PRKAG2: variants seen among roughly 807,000 people sequenced by gnomAD.
PRKAG2 encodes protein kinase AMP-activated non-catalytic subunit gamma 2.
Under a neutral mutation model 69.6 loss-of-function variants are expected in PRKAG2, and 26 were observed. That is an observed-to-expected ratio of 0.37 (90% CI 0.27 to 0.52). The LOEUF is 0.52. Among genes scored for constraint, PRKAG2 ranks in the 20% least tolerant of loss-of-function variants. PRKAG2 has a pLI of 0.90. For missense variants in PRKAG2, 557 were observed against 740.0 expected, an observed-to-expected ratio of 0.75 and a Z score of 2.87; for synonymous variants, 293 against 285.0, an observed-to-expected ratio of 1.03 and a Z score of -0.28.
chr7:151,763,057 C>G (rs1017613408), intron 3 of PRKAG2, among the ~76,000 whole-genome samples: 1 of 152,208 alleles, frequency 6.6e-6, no homozygotes, highest in Admixed American at 6.5e-5. Context: ...CTCCTCCCCT[C>G]TCAGCCTGCA....
intron 3 of PRKAG2, among the ~76,000 whole-genome samples, chr7:151,697,190 G>T (rs375163372): frequency 6.6e-6 from 1 of 152,168 alleles, no homozygotes; most frequent in Non-Finnish European, 1.5e-5. Context: ...GCTGGGGAAC[G>T]GGGGGTGGTG....
intron 13 of PRKAG2, 116 bp downstream of exon 13, chr7:151,565,230 A>AC: frequency 2.3e-6 from 2 of 876,822 alleles, no homozygotes; most frequent in Non-Finnish European, 3.3e-6. Context: ...ATATCCTCAC[A>AC]CCCCAAAAGG....
rs769483702 is a variant in PRKAG2 at position 151,777,544 on chromosome 7, G to A, written c.466+3608C>T. Reference sequence around the variant, plus strand: ...TCCCCCCTCTCTCTTGCTCCCTTGCGTGTGAGCTCTGCATACCCCGGCTTT... The same window carrying A: ...TCCCCCCTCTCTCTTGCTCCCTTGCATGTGAGCTCTGCATACCCCGGCTTT... On this transcript the variant is annotated intron_variant, in intron 3 of 15. Coordinates refer to ENST00000287878, the MANE Select transcript of PRKAG2 (RefSeq NM_016203.4). The surrounding 1 kb of genome is among the most constrained non-coding windows in gnomAD (Gnocchi z 4.3). 2.0e-5 allele frequency among the ~76,000 whole-genome samples: 3 copies of A among 152,122 alleles called. No individual in the cohort carries two copies. The highest frequency in any genetic ancestry group is 2.9e-5 in the Non-Finnish European group (2 of 68,024).
rs1257544575 is a variant in PRKAG2, at chr7:151,719,479, G to C, written c.467-43842C>G. Among the ~76,000 whole-genome samples, 4 of 152,062 alleles carry C rather than the reference G, an allele frequency of 2.6e-5. No homozygotes were observed. The highest frequency in any genetic ancestry group is 5.9e-5 in the Non-Finnish European group (4 of 68,020). ...TGGGCTGCTCCCAGCCAATGCCTAAGCGCCGGGTGCTGGGTCACCCTGAGA... is the reference window on the plus strand; with the variant it reads ...TGGGCTGCTCCCAGCCAATGCCTAACCGCCGGGTGCTGGGTCACCCTGAGA... On this transcript the variant is annotated intron_variant, in intron 3 of 15. Transcript: ENST00000287878. This position sits in a 1 kb window ranked among gnomAD's most constrained non-coding sequence, Gnocchi z 5.2.
intron 4 of PRKAG2, among the ~76,000 whole-genome samples, chr7:151,649,894 C>T (rs913106755): frequency 8.5e-4 from 129 of 152,170 alleles, no homozygotes; most frequent in African/African-American, 3.0e-3. Context: ...GTATTTATAG[C>T]AATGAGAGAA....
chr7:151,666,148 AC>A (rs1831019520), intron 4 of PRKAG2, among the ~76,000 whole-genome samples: 1 of 152,212 alleles, frequency 6.6e-6, no homozygotes, highest in Admixed American at 6.5e-5. Context: ...GTGGCTTCAG[AC>A]AACAATAATT....
chr7:151,562,211 C>T (rs1247114825), intron 14 of PRKAG2, among the ~76,000 whole-genome samples: 1 of 135,622 alleles, frequency 7.4e-6, no homozygotes. Flanking sequence ...CGCCACTGCA[C>T]TCCAGCCTGG....
At chr7:151,682,585 A>G (rs1834043679) in intron 3 of PRKAG2, among the ~76,000 whole-genome samples, 2 of 152,210 alleles carry the variant, frequency 1.3e-5, no homozygotes, top group Admixed American at 6.5e-5. Context: ...CATAAGGTCA[A>G]CTGCTGAACT....
At chr7:151,669,937 C>CACACCCCCATGCACAT (rs1831684782) in intron 4 of PRKAG2, among the ~76,000 whole-genome samples, 1 of 135,528 alleles carries the variant, frequency 7.4e-6, no homozygotes, top group Non-Finnish European at 1.6e-5. Context: ...CCTGTGCACA[C>CACACCCCCATGCACAT]ACTTGCATGT....
At chr7:151,618,250 C>G (rs543086980) in intron 5 of PRKAG2, among the ~76,000 whole-genome samples, 2 of 150,962 alleles carry the variant, frequency 1.3e-5, no homozygotes, top group African/African-American at 4.9e-5. Context: ...GTCAGGAGTT[C>G]GAGATCAGCC....
rs58365534 is a variant in PRKAG2, at chr7:151,788,235, A to G, written c.115-1694T>C. On this transcript the variant is annotated intron_variant, in intron 1 of 15. Transcript: ENST00000287878. This position sits in a 1 kb window ranked among gnomAD's most constrained non-coding sequence, Gnocchi z 4.6. The stretch of plus-strand genomic sequence containing the variant: ...CCCACCCACAGTACACAGGGTTTCA[A>G]TTTCTCCACATCCTCATCAACACTT... 1.1e-4 allele frequency among the ~76,000 whole-genome samples: 16 copies of G among 152,210 alleles called. No homozygotes were observed. Among genetic ancestry groups the G allele is most frequent in the African/African-American group, 3.9e-4 (16 of 41,526 alleles).
chr7:151,588,424 G>A (rs1284730808), intron 6 of PRKAG2, among the ~76,000 whole-genome samples: 1 of 151,818 alleles, frequency 6.6e-6, no homozygotes, highest in African/African-American at 2.4e-5. Context: ...TGCAAGTGGT[G>A]CAATCTTGGC....
chr7:151,832,431 C>T (rs923331313), intron 1 of PRKAG2, among the ~76,000 whole-genome samples: 2 of 152,132 alleles, frequency 1.3e-5, no homozygotes, highest in African/African-American at 2.4e-5. Flanking sequence ...CCAGCAGACC[C>T]TCCATAGACA....
At chr7:151,635,573 G>A (rs1228847789) in intron 4 of PRKAG2, among the ~76,000 whole-genome samples, 1 of 152,080 alleles carries the variant, frequency 6.6e-6, no homozygotes, top group Non-Finnish European at 1.5e-5. Flanking sequence ...ATGCTGAGGG[G>A]GAAAAAGCCA....
intron 1 of PRKAG2, among the ~76,000 whole-genome samples, chr7:151,866,492 A>T (rs918742112): frequency 6.6e-6 from 1 of 152,160 alleles, no homozygotes; most frequent in Non-Finnish European, 1.5e-5. Flanking sequence ...CAAGTGCTTC[A>T]GCAATATTAG....
chr7:151,750,879 CAA>C (rs147013522), intron 3 of PRKAG2, among the ~76,000 whole-genome samples: 7 of 125,662 alleles, frequency 5.6e-5, no homozygotes, highest in East Asian at 2.3e-4. Flanking sequence ...ACCCTGTCTC[CAA>C]AAAAAAAAAA....
chr7:151,845,824 G>A (rs1159870248), intron 1 of PRKAG2, among the ~76,000 whole-genome samples: 5 of 152,180 alleles, frequency 3.3e-5, no homozygotes, highest in African/African-American at 4.8e-5. Flanking sequence ...CCAGCTCATC[G>A]GAGCCACCAG....
intron 6 of PRKAG2, among the ~76,000 whole-genome samples, chr7:151,591,039 G>A (rs1055388160): frequency 2.0e-5 from 3 of 152,192 alleles, no homozygotes; most frequent in Admixed American, 2.0e-4. Context: ...AGGGGCATTG[G>A]CACGGATTTG....
rs1810988984 is a variant in PRKAG2, at chr7:151,583,620, C to T, written c.865-7168G>A. ...AGACGGCACAGGGTGTTCCAATTAA[C>T]CAATAAACAGGATACAAAGAGGACT... On this transcript the variant is annotated intron_variant, in intron 6 of 15. Coordinates refer to ENST00000287878, the MANE Select transcript of PRKAG2 (RefSeq NM_016203.4). The surrounding 1 kb of genome is among the most constrained non-coding windows in gnomAD (Gnocchi z 4.1). Among the ~76,000 whole-genome samples, 1 of 152,116 alleles carries T rather than the reference C, an allele frequency of 6.6e-6. No homozygotes were observed. Among genetic ancestry groups the T allele is most frequent in the African/African-American group, 2.4e-5 (1 of 41,424 alleles).
Sources: allele counts gnomAD v4.1 joint callset (sites outside exome capture counted in the v4.1 genomes callset), GRCh38; gene constraint gnomAD v4.1.1; non-coding constraint Gnocchi (gnomAD v3.1); transcripts MANE v1.5; gene names NCBI Gene and HGNC (gene_info 2026-07-23, HGNC 2026-07-21).